Variants in PLD1 observed in about 807,000 individuals in gnomAD.
PLD1 encodes phospholipase D1.
PLD1 carries 112 observed loss-of-function variants against 137.1 expected under a neutral mutation model. The ratio of observed to expected loss-of-function variants is 0.82; its 90% confidence interval spans 0.70 to 0.96. The LOEUF (loss-of-function observed/expected upper bound fraction) is 0.96, where lower values mean the gene tolerates loss of function less well. PLD1 is among the 40% of genes least tolerant of loss of function. The pLI, the probability that PLD1 is intolerant of heterozygous loss-of-function variation, is 0.00. For synonymous variants in PLD1, 431 were observed against 454.7 expected (o/e 0.95, Z 0.66); for missense variants, 1,321 against 1,342.0 (o/e 0.98, Z 0.24).
intron 24 of PLD1, among the ~76,000 whole-genome samples, chr3:171,617,121 C>T (rs1366230449): frequency 6.6e-6 from 1 of 152,212 alleles, no homozygotes; most frequent in Non-Finnish European, 1.5e-5. Context: ...ACCAGACCAA[C>T]TAGATCATAA....
intron 8 of PLD1, among the ~76,000 whole-genome samples, chr3:171,719,592 G>A (rs1409334924): frequency 6.6e-6 from 1 of 152,198 alleles, no homozygotes; most frequent in African/African-American, 2.4e-5. Flanking sequence ...CACTAAGTAA[G>A]AAAGTGCTAA....
At chr3:171,732,222 T>C (rs1303921611) in intron 6 of PLD1, among the ~76,000 whole-genome samples, 1 of 152,232 alleles carries the variant, frequency 6.6e-6, no homozygotes, top group Non-Finnish European at 1.5e-5. Context: ...TTATTCATTG[T>C]TATTTCAACA....
intron 1 of PLD1, among the ~76,000 whole-genome samples, chr3:171,762,682 C>T (rs1025507931): frequency 2.0e-4 from 30 of 152,102 alleles, no homozygotes; most frequent in Non-Finnish European, 1.5e-5. Flanking sequence ...TATGGTGGGT[C>T]GGACTGTGCA....
chr3:171,717,098 T>C (rs1293093296), intron 8 of PLD1, among the ~76,000 whole-genome samples: 1 of 152,254 alleles, frequency 6.6e-6, no homozygotes, highest in Non-Finnish European at 1.5e-5. Flanking sequence ...TGTACTGTAT[T>C]GGTTACTGTT....
At chr3:171,730,495 C>CAATG (rs1718852632) in intron 6 of PLD1, among the ~76,000 whole-genome samples, 1 of 151,974 alleles carries the variant, frequency 6.6e-6, no homozygotes, top group Admixed American at 6.6e-5. Context: ...CAAACCCAAC[C>CAATG]AATGGCTGTA....
At chr3:171,759,653 A>G (rs1336141654) in intron 1 of PLD1, among the ~76,000 whole-genome samples, 1 of 152,214 alleles carries the variant, frequency 6.6e-6, no homozygotes, top group African/African-American at 2.4e-5. Flanking sequence ...TGAAAATTAA[A>G]GATATTTTAC....
At chr3:171,627,947 A>G (rs1355871995) in intron 23 of PLD1, among the ~76,000 whole-genome samples, 1 of 151,926 alleles carries the variant, frequency 6.6e-6, no homozygotes, top group Non-Finnish European at 1.5e-5. Context: ...CACAATTAAA[A>G]GAACTAGAAA....
intron 25 of PLD1, among the ~76,000 whole-genome samples, chr3:171,607,693 T>C (rs1240297436): frequency 2.0e-5 from 3 of 152,156 alleles, no homozygotes; most frequent in Non-Finnish European, 4.4e-5. Context: ...CCACAAAAAA[T>C]TATTTCTGTT....
At chr3:171,734,325 A>T (rs112016428) in intron 5 of PLD1, among the ~76,000 whole-genome samples, 1 of 152,202 alleles carries the variant, frequency 6.6e-6, no homozygotes, top group African/African-American at 2.4e-5. Context: ...CTAGTAAAAA[A>T]AATTAATTGT....
At chr3:171,673,405 C>T (rs139786737) in intron 19 of PLD1, among the ~76,000 whole-genome samples, 216 of 152,030 alleles carry the variant, frequency 1.4e-3, no homozygotes, top group Middle Eastern at 6.8e-3. Context: ...CCTCAGCCTC[C>T]CGAGTAGCTA....
At position 171,659,230 on chromosome 3, in the gene PLD1, C is replaced by A. The variant is rs1578207190; in HGVS notation, c.2412G>T (p.Arg804Ser). ...FNKIGDAIAQ[R>S]ILKAHRENQK... ...GCTGTTACCTGTGAGCTTTCAGGATCCTCTGGGCAATGGCATCGCCTATCT... is the reference window on the plus strand; with the variant it reads ...GCTGTTACCTGTGAGCTTTCAGGATACTCTGGGCAATGGCATCGCCTATCT... Residue 804 changes from arginine to serine, a missense_variant, in exon 21 of 27, where the codon AGG becomes AGT. By Grantham distance (110) the Arg-to-Ser change is moderately radical. Transcript: ENST00000351298. 1 of 1,612,108 alleles carries A rather than the reference C, an allele frequency of 6.2e-7. No homozygotes were observed. Among genetic ancestry groups the A allele is most frequent in the South Asian group, 1.1e-5 (1 of 91,052 alleles).
intron 6 of PLD1, among the ~76,000 whole-genome samples, chr3:171,727,040 C>A (rs1718571654): frequency 6.6e-6 from 1 of 152,110 alleles, no homozygotes; most frequent in Non-Finnish European, 1.5e-5. Flanking sequence ...TCCAATAAAA[C>A]CTTATTTATG....
intron 8 of PLD1, among the ~76,000 whole-genome samples, chr3:171,714,260 AAGTAATTCAC>A (rs755235878): frequency 1.2e-4 from 19 of 152,206 alleles, no homozygotes; most frequent in Non-Finnish European, 2.1e-4. Context: ...ACAGTGTACC[AAGTAATTCAC>A]AGTAATTCAT....
chr3:171,720,989 T>G (rs377727586), intron 8 of PLD1, among the ~76,000 whole-genome samples: 4 of 152,290 alleles, frequency 2.6e-5, no homozygotes, highest in South Asian at 4.1e-4. Context: ...CACAAACCAT[T>G]TTTCCCCTTT....
Position 171,676,733 on chromosome 3 carries a change from C to G in PLD1, c.2097G>C (p.Gln699His). 3.7e-6 allele frequency: 6 copies of G among 1,613,760 alleles called. No homozygotes were observed. The highest frequency in any genetic ancestry group is 4.2e-6 in the Non-Finnish European group (5 of 1,179,682). The change falls in exon 18 of 27, where the codon CAG (glutamine) becomes CAC (histidine). Residue 699 changes from glutamine (Q) to histidine (H), a missense_variant. Physicochemically the swap from Gln to His is conservative, Grantham distance 24. Coordinates refer to ENST00000351298, the MANE Select transcript of PLD1 (RefSeq NM_002662.5). ...AARDVARHFIQRWNFTKIMKS... is the reference protein window; with the variant it reads ...AARDVARHFIHRWNFTKIMKS... Reference sequence around the variant, plus strand: ...CAAGTACTTTTGTGAAGTTCCAGCGCTGGATGAAGTGACGTGCCACATCAC... The same window carrying G: ...CAAGTACTTTTGTGAAGTTCCAGCGGTGGATGAAGTGACGTGCCACATCAC...
chr3:171,696,106 T>C (rs1715666072), intron 12 of PLD1, among the ~76,000 whole-genome samples: 2 of 152,220 alleles, frequency 1.3e-5, no homozygotes, highest in Non-Finnish European at 1.5e-5. Flanking sequence ...ACATTGTGCC[T>C]TGTGATCCAG....
At chr3:171,654,098 C>A in intron 21 of PLD1, 1 of 362,294 alleles carries the variant, frequency 2.8e-6, no homozygotes, top group Non-Finnish European at 5.4e-6. Context: ...GTTAGGAGTT[C>A]AAAGCTAGCC....
intron 21 of PLD1, among the ~76,000 whole-genome samples, chr3:171,646,676 A>C (rs1258456813): frequency 2.6e-5 from 2 of 77,922 alleles, no homozygotes; most frequent in Non-Finnish European, 5.1e-5. Flanking sequence ...AAGAACAGAC[A>C]AAAAAAAAAA....
In PLD1 at chr3:171,780,691, C is replaced by G. The variant is rs188067665; in HGVS notation, c.-32+29708G>C. 5.3e-5 allele frequency among the ~76,000 whole-genome samples: 8 copies of G among 152,176 alleles called. No individual in the cohort carries two copies. The East Asian group carries it at 1.5e-3, about 29-fold the overall frequency. ...AGAAAGAGGAAGATTGAGAACTGAC[C>G]ACTGGATACAGAAACATGGAGGTCA... is the stretch of plus-strand genomic sequence containing the variant. On this transcript the variant is annotated intron_variant, in intron 1 of 26. Coordinates refer to ENST00000351298, the MANE Select transcript of PLD1 (RefSeq NM_002662.5).
Sources: allele counts gnomAD v4.1 joint callset (sites outside exome capture counted in the v4.1 genomes callset), GRCh38; gene constraint gnomAD v4.1.1; transcripts MANE v1.5; gene names NCBI Gene and HGNC (gene_info 2026-07-23, HGNC 2026-07-21).